EIF4E: variants seen among roughly 807,000 people sequenced by gnomAD.
EIF4E encodes eIF-4F 25 kDa subunit.
For synonymous variants in EIF4E, 71 were observed against 88.5 expected (o/e 0.80, Z 1.11); for missense variants, 113 against 265.6 (o/e 0.43, Z 3.99).
chr4:98,880,835 CAAA>C lies in EIF4E; in HGVS notation c.*190_*192del, dbSNP rs70955951. On this transcript the variant is annotated 3_prime_UTR_variant, in exon 7 of 7. Coordinates refer to ENST00000450253, the MANE Select transcript of EIF4E (RefSeq NM_001968.5). ...TGATTGGGATAGTGGAAACTCTAGC[CAAA>C]AAAAAAAAAAAAAATGAACACAGAA... The C allele has an allele frequency of 6.6e-3, 5,321 of 801,402 alleles. No homozygotes were observed. The highest frequency in any genetic ancestry group is 0.012 in the South Asian group (559 of 46,798). 49.6% of individuals were successfully genotyped at this position (801,402 alleles called of 1,614,324 possible).
intron 3 of EIF4E, among the ~76,000 whole-genome samples, chr4:98,889,407 C>T (rs1054114646): frequency 2.6e-5 from 4 of 152,100 alleles, no homozygotes; most frequent in Non-Finnish European, 5.9e-5. Context: ...TGGGAATGAC[C>T]TTCAATAAAA....
At chr4:98,916,286 C>CAA (rs11462325) in intron 1 of EIF4E, among the ~76,000 whole-genome samples, 33,378 of 106,536 alleles carry the variant, frequency 0.31, 4,766 homozygotes, top group East Asian at 0.5. Flanking sequence ...ATTCAGAGGA[C>CAA]AAAAAAAAAA....
At chr4:98,913,838 GA>G (rs890148382) in intron 1 of EIF4E, among the ~76,000 whole-genome samples, 31 of 151,840 alleles carry the variant, frequency 2.0e-4, no homozygotes, top group African/African-American at 7.2e-4. Context: ...AACTAAATGG[GA>G]AAATAGAAAA....
chr4:98,886,263 C>T (rs1490164735), intron 5 of EIF4E: 4 of 234,118 alleles, frequency 1.7e-5, no homozygotes, highest in Non-Finnish European at 3.5e-5. Flanking sequence ...CTACAAACCC[C>T]GCTCCTATAA....
chr4:98,916,177 T>A (rs1725373158), intron 1 of EIF4E, among the ~76,000 whole-genome samples: 1 of 149,678 alleles, frequency 6.7e-6, no homozygotes, highest in East Asian at 2.0e-4. Flanking sequence ...GGCAACAGAG[T>A]GAGGCTCTGT....
chr4:98,918,885 A>G (rs1373323348), intron 1 of EIF4E, among the ~76,000 whole-genome samples: 4 of 152,224 alleles, frequency 2.6e-5, no homozygotes, highest in African/African-American at 4.8e-5. Flanking sequence ...AAAGTTAAAC[A>G]ACTGACAATG....
intron 1 of EIF4E, among the ~76,000 whole-genome samples, chr4:98,912,264 A>G (rs966768498): frequency 1.3e-5 from 2 of 151,156 alleles, no homozygotes; most frequent in Admixed American, 6.6e-5. Flanking sequence ...AAAAAAAAAA[A>G]GAAGAAAAAG....
At chr4:98,888,415 T>C (rs778386504) in intron 3 of EIF4E, among the ~76,000 whole-genome samples, 2 of 152,140 alleles carry the variant, frequency 1.3e-5, no homozygotes, top group Non-Finnish European at 2.9e-5. Flanking sequence ...TCCTTGAAGG[T>C]ATCCAAGAGT....
intron 1 of EIF4E, among the ~76,000 whole-genome samples, chr4:98,919,999 A>G (rs1579184979): frequency 6.6e-6 from 1 of 152,364 alleles, no homozygotes; most frequent in East Asian, 1.9e-4. Flanking sequence ...ATTACCATGT[A>G]CAGCCAGTGG....
At position 98,881,307 on chromosome 4, in the gene EIF4E, C is replaced by A. The variant is rs535497182; in HGVS notation, c.540-165G>T. 7.2e-5 allele frequency among the ~76,000 whole-genome samples: 11 copies of A among 152,186 alleles called. 1 individual carries two copies. In the South Asian group the frequency reaches 2.3e-3, roughly 32 times the overall value. ...CCTTTTCCTTTCAGCACAATTTACTCTTCATTTTTGCGATATTCTTGGTTA... is the reference window on the plus strand; with the variant it reads ...CCTTTTCCTTTCAGCACAATTTACTATTCATTTTTGCGATATTCTTGGTTA... On this transcript the variant is annotated intron_variant, in intron 6 of 6. Coordinates refer to ENST00000450253, the MANE Select transcript of EIF4E (RefSeq NM_001968.5).
rs533793468 is a variant in EIF4E, at chr4:98,879,969, C to T, written c.*1059G>A. 3 of 152,432 alleles carry T rather than the reference C, an allele frequency of 2.0e-5. No homozygotes were observed. In the South Asian group the frequency reaches 6.2e-4, roughly 32 times the overall value. The allele number at this position is 152,432 out of a possible 1,614,324, so 9.4% of individuals were successfully genotyped here. ...TATGCTGTTCACATGGAAGACACCA[C>T]AAAAGAAGACATAATATAGAGACTG... On this transcript the variant is annotated 3_prime_UTR_variant, in exon 7 of 7. Coordinates refer to ENST00000450253, the MANE Select transcript of EIF4E (RefSeq NM_001968.5).
intron 1 of EIF4E, among the ~76,000 whole-genome samples, chr4:98,915,915 T>C (rs538315657): frequency 1.6e-4 from 24 of 150,376 alleles, no homozygotes; most frequent in African/African-American, 5.7e-4. Context: ...TCTTAAAACT[T>C]TGCTTCTGCT....
chr4:98,914,179 A>G (rs1282984500), intron 1 of EIF4E, among the ~76,000 whole-genome samples: 10 of 151,664 alleles, frequency 6.6e-5, no homozygotes, highest in Admixed American at 6.6e-4. Flanking sequence ...AACATGGTGA[A>G]ACCTCGTCTC....
Position 98,887,335 on chromosome 4 carries a change from C to T in EIF4E, c.286-143G>A. The T allele has an allele frequency of 1.2e-6, 1 of 843,554 alleles. No homozygotes were observed. The highest frequency in any genetic ancestry group is 2.0e-6 in the Non-Finnish European group (1 of 499,892). 52.3% of individuals were successfully genotyped at this position (843,554 alleles called of 1,614,324 possible). ...TGCCATTGATGTAGTTTTTAAACAG[C>T]ACATAAGACTTAAAGCCAGAGGCAT... On this transcript the variant is annotated intron_variant, in intron 4 of 6. Transcript: ENST00000450253. The surrounding 1 kb of genome is among the most constrained non-coding windows in gnomAD (Gnocchi z 4.0).
intron 6 of EIF4E, among the ~76,000 whole-genome samples, chr4:98,882,406 A>C (rs1483819375): frequency 6.6e-6 from 1 of 151,244 alleles, no homozygotes; most frequent in African/African-American, 2.4e-5. Flanking sequence ...CAAAAAAAAA[A>C]AAAAAAAAGA....
At chr4:98,907,909 A>G (rs1197432594) in intron 1 of EIF4E, among the ~76,000 whole-genome samples, 2 of 152,188 alleles carry the variant, frequency 1.3e-5, no homozygotes, top group Non-Finnish European at 2.9e-5. Flanking sequence ...TTGAGATGAC[A>G]TTAATGTAAG....
chr4:98,920,490 T>C (rs894035506), intron 1 of EIF4E, among the ~76,000 whole-genome samples: 1 of 152,008 alleles, frequency 6.6e-6, no homozygotes, highest in Non-Finnish European at 1.5e-5. Context: ...AGATAAGGTT[T>C]CACCATTTTG....
intron 2 of EIF4E, among the ~76,000 whole-genome samples, chr4:98,896,069 G>A (rs1056262289): frequency 1.3e-5 from 2 of 151,686 alleles, no homozygotes; most frequent in Admixed American, 6.6e-5. Flanking sequence ...GGTGGCACGC[G>A]CCTGTAGTCC....
chr4:98,915,076 T>A (rs1231427119), intron 1 of EIF4E, among the ~76,000 whole-genome samples: 1 of 152,186 alleles, frequency 6.6e-6, no homozygotes, highest in Admixed American at 6.5e-5. Context: ...TCTGAGTAGC[T>A]GGGACTACAG....
Sources: allele counts gnomAD v4.1 joint callset (sites outside exome capture counted in the v4.1 genomes callset), GRCh38; gene constraint gnomAD v4.1.1; non-coding constraint Gnocchi (gnomAD v3.1); transcripts MANE v1.5; gene names NCBI Gene and HGNC (gene_info 2026-07-23, HGNC 2026-07-21).